GLIPR1L1: variants seen among roughly 807,000 people sequenced by gnomAD.
GLIPR1L1 encodes the protein GLIPR1 like 1.
A neutral mutation model predicts 29.9 loss-of-function variants in GLIPR1L1; 26 were observed. The observed-to-expected ratio is 0.87, with a 90% CI of 0.64 to 1.21. The LOEUF (loss-of-function observed/expected upper bound fraction) is 1.21, where lower values mean the gene tolerates loss of function less well. Among genes scored for constraint, GLIPR1L1 ranks in the 50% most tolerant of loss-of-function variants. The pLI, the probability that GLIPR1L1 is intolerant of heterozygous loss-of-function variation, is 0.00. For synonymous variants in GLIPR1L1, 77 were observed against 97.5 expected (o/e 0.79, Z 1.24); for missense variants, 305 against 290.3 (o/e 1.05, Z -0.37).
chr12:75,370,085 A>C lies in GLIPR1L1; in HGVS notation c.638A>C (p.Gln213Pro). Residue 213 changes from glutamine (Q) to proline (P), a missense_variant and splice_region_variant, in exon 6 of 6, where the codon CAA becomes CCA. By Grantham distance (76) the Gln-to-Pro change is moderately conservative. Coordinates refer to ENST00000378695, the MANE Select transcript of GLIPR1L1 (RefSeq NM_001304964.2). ...CRTPQLIIPN[Q>P]NPFLKPTGRA... The stretch of plus-strand genomic sequence containing the variant: ...CTGGTTTTGTTTTTGTTTTTGACAG[A>C]AAATCCATTTCTGAAGCCAACGGGG... The C allele has an allele frequency of 6.3e-7, 1 of 1,593,392 alleles. No individual in the cohort carries two copies. The highest frequency in any genetic ancestry group is 8.6e-7 in the Non-Finnish European group (1 of 1,165,022).
At chr12:75,341,620 G>A (rs573880790) in intron 1 of GLIPR1L1, among the ~76,000 whole-genome samples, 3 of 151,392 alleles carry the variant, frequency 2.0e-5, no homozygotes, top group Non-Finnish European at 4.4e-5. Context: ...AGAATTTTTT[G>A]TATTTTTAGT....
At chr12:75,369,108 T>C (rs1323003598) in intron 4 of GLIPR1L1, among the ~76,000 whole-genome samples, 1 of 151,976 alleles carries the variant, frequency 6.6e-6, no homozygotes, top group East Asian at 1.9e-4. Flanking sequence ...GTTATATATG[T>C]AGACCTTGGA....
chr12:75,360,856 G>C (rs1032969324), intron 3 of GLIPR1L1: 1 of 152,130 alleles, frequency 6.6e-6, no homozygotes, highest in Non-Finnish European at 1.5e-5. Flanking sequence ...TAGATATCCA[G>C]GCATTTCCAT....
intron 3 of GLIPR1L1, among the ~76,000 whole-genome samples, chr12:75,352,303 G>A (rs918186424): frequency 6.6e-6 from 1 of 152,088 alleles, no homozygotes; most frequent in Non-Finnish European, 1.5e-5. Flanking sequence ...AAGGGATGGA[G>A]GAAAATTTAC....
At chr12:75,363,303 T>C (rs1566004314) in intron 4 of GLIPR1L1, 113 bp downstream of exon 4, 1 of 437,642 alleles carries the variant, frequency 2.3e-6, no homozygotes, top group Non-Finnish European at 4.0e-6. Context: ...GATTTGACTG[T>C]TGTTATCTTA....
rs1038479826 is a variant in GLIPR1L1 at position 75,334,794 on chromosome 12, T to C, written c.66T>C (p.Ser22=). The stretch of plus-strand genomic sequence containing the variant: ...GTCTGTGTTTGGTAGCCACTACATC[T>C]TCCAAAATCCCATCCATCACTGACC... ...ILGLCLVATT[S]SKIPSITDPH... is the part of the protein sequence containing the mutation. The change falls in exon 1 of 6, where the codon TCT becomes TCC. Residue 22 remains serine, a synonymous_variant. Coordinates refer to ENST00000378695, the MANE Select transcript of GLIPR1L1 (RefSeq NM_001304964.2). 3.0e-5 allele frequency: 48 copies of C among 1,613,996 alleles called. No individual in the cohort carries two copies. The highest frequency in any genetic ancestry group is 4.0e-5 in the Non-Finnish European group (47 of 1,180,004).
chr12:75,364,698 A>T (rs1390115095), intron 4 of GLIPR1L1: 1 of 152,248 alleles, frequency 6.6e-6, no homozygotes, highest in East Asian at 1.9e-4. Flanking sequence ...TATAGCAATT[A>T]GCTACACAGA....
Position 75,354,733 on chromosome 12 carries a change from T to G in GLIPR1L1, c.521+7011T>G, listed in dbSNP as rs189548793. The stretch of plus-strand genomic sequence containing the variant: ...CACACTACCTGACTTCAAACTACAC[T>G]ACAAGGCTACAGTAACCAAAACAGC... On this transcript the variant is annotated intron_variant, in intron 3 of 5. Coordinates refer to ENST00000378695, the MANE Select transcript of GLIPR1L1 (RefSeq NM_001304964.2). 7.2e-5 allele frequency among the ~76,000 whole-genome samples: 11 copies of G among 152,222 alleles called. No homozygotes were observed. The East Asian group carries it at 2.1e-3, about 29-fold the overall frequency.
chr12:75,336,336 C>T (rs2041737627), intron 1 of GLIPR1L1, among the ~76,000 whole-genome samples: 1 of 151,736 alleles, frequency 6.6e-6, no homozygotes, highest in African/African-American at 2.4e-5. Context: ...TAGACTAAAA[C>T]TTAACCATGT....
At chr12:75,359,306 G>A (rs1361039384) in intron 3 of GLIPR1L1, among the ~76,000 whole-genome samples, 3 of 139,320 alleles carry the variant, frequency 2.2e-5, no homozygotes, top group East Asian at 2.2e-4. Flanking sequence ...ACACAATAGC[G>A]ACATATATGT....
intron 1 of GLIPR1L1, among the ~76,000 whole-genome samples, chr12:75,339,351 T>C (rs1172959836): frequency 6.6e-6 from 1 of 152,212 alleles, no homozygotes; most frequent in Non-Finnish European, 1.5e-5. Flanking sequence ...TAATGCTAAC[T>C]GATGTTGAGC....
Position 75,370,133 on chromosome 12 carries a change from T to C in GLIPR1L1, c.686T>C (p.Phe229Ser). 1 of 1,606,746 alleles carries C rather than the reference T, an allele frequency of 6.2e-7. No individual in the cohort carries two copies. The highest frequency in any genetic ancestry group is 8.5e-7 in the Non-Finnish European group (1 of 1,174,958). ...GGGAGAGCACCTCAGCAGACAGCCT[T>C]TAATCCATTCAGCTTAGGTTTTCTT... ...PTGRAPQQTA[F>S]NPFSLGFLLL... The change falls in exon 6 of 6, where the codon TTT (phenylalanine) becomes TCT (serine). Residue 229 changes from phenylalanine to serine, a missense_variant. Coordinates refer to ENST00000378695, the MANE Select transcript of GLIPR1L1 (RefSeq NM_001304964.2).
At chr12:75,341,992 C>G (rs2042153960) in intron 1 of GLIPR1L1, among the ~76,000 whole-genome samples, 1 of 152,118 alleles carries the variant, frequency 6.6e-6, no homozygotes, top group African/African-American at 2.4e-5. Flanking sequence ...ATCCACCCGC[C>G]TTGGCCTCCC....
intron 3 of GLIPR1L1, among the ~76,000 whole-genome samples, chr12:75,350,153 C>G (rs2042711525): frequency 6.6e-6 from 1 of 152,216 alleles, no homozygotes; most frequent in Admixed American, 6.5e-5. Flanking sequence ...TAAGCGAGAC[C>G]CTGACACATT....
chr12:75,354,902 G>A lies in GLIPR1L1; in HGVS notation c.521+7180G>A, dbSNP rs537520605. Among the ~76,000 whole-genome samples, 232 of 152,198 alleles carry A rather than the reference G, an allele frequency of 1.5e-3. 1 individual carries two copies. The highest frequency in any genetic ancestry group is 5.3e-3 in the African/African-American group (219 of 41,542). ...GGAAAGGACTCCCTATTTAATAGAT[G>A]GTGCTGGGAGAACAGGCTAGCCATA... is the stretch of plus-strand genomic sequence containing the variant. On this transcript the variant is annotated intron_variant, in intron 3 of 5. Transcript: ENST00000378695.
At chr12:75,369,886 A>G in intron 4 of GLIPR1L1, 74 bp from the exon 5 acceptor site, 1 of 1,321,990 alleles carries the variant, frequency 7.6e-7, no homozygotes, top group South Asian at 1.8e-5. Context: ...CTTATTCTAA[A>G]AGCCATAAAA....
chr12:75,344,833 T>A (rs1462843731), intron 2 of GLIPR1L1, among the ~76,000 whole-genome samples: 1 of 152,124 alleles, frequency 6.6e-6, no homozygotes, highest in African/African-American at 2.4e-5. Flanking sequence ...AGAATAAAAG[T>A]AGCGTTTAGT....
chr12:75,355,310 A>C (rs532900328), intron 3 of GLIPR1L1, among the ~76,000 whole-genome samples: 8 of 152,328 alleles, frequency 5.3e-5, no homozygotes, highest in Admixed American at 3.9e-4. Context: ...AAATGGGCAA[A>C]AGACATGAAC....
At chr12:75,358,770 T>C (rs1401886091) in intron 3 of GLIPR1L1, among the ~76,000 whole-genome samples, 2 of 144,666 alleles carry the variant, frequency 1.4e-5, no homozygotes, top group African/African-American at 2.5e-5. Flanking sequence ...TATATATGTT[T>C]AAATATATAT....
Sources: gnomAD v4.1 joint callset for allele counts (sites outside exome capture counted in the v4.1 genomes callset) on GRCh38, gnomAD v4.1.1 for gene constraint, MANE v1.5 for transcripts, NCBI Gene and HGNC (gene_info 2026-07-23, HGNC 2026-07-21) for gene names.